RABGAP1L: variants seen among roughly 807,000 people sequenced by gnomAD.
The protein encoded by RABGAP1L is RAB GTPase activating protein 1 like, also known as rab GTPase-activating protein 1-like.
RABGAP1L carries 63 observed loss-of-function variants against 137.7 expected under a neutral mutation model. That is an observed-to-expected ratio of 0.46 (90% CI 0.37 to 0.56). RABGAP1L has a LOEUF of 0.56. RABGAP1L is among the 20% of genes least tolerant of loss of function. The probability of loss-of-function intolerance (pLI) is 0.00; values close to 1 mark genes in which losing one functional copy is unlikely to be tolerated. For synonymous variants in RABGAP1L, 431 were observed against 433.7 expected (o/e 0.99, Z 0.08); for missense variants, 1,095 against 1,244.0 (o/e 0.88, Z 1.80).
At chr1:174,651,286 T>C (rs1675464569) in intron 14 of RABGAP1L, among the ~76,000 whole-genome samples, 1 of 152,158 alleles carries the variant, frequency 6.6e-6, no homozygotes, top group Non-Finnish European at 1.5e-5. Context: ...AGGTGTGGTG[T>C]GGTGCTGAAA....
At chr1:174,331,546 C>G in intron 11 of RABGAP1L, among the ~76,000 whole-genome samples, 1 of 152,182 alleles carries the variant, frequency 6.6e-6, no homozygotes, top group Non-Finnish European at 1.5e-5. Flanking sequence ...CGCTCAACAT[C>G]ACTATCAGGG....
chr1:174,877,133 G>T (rs1014838068), intron 19 of RABGAP1L, among the ~76,000 whole-genome samples: 1 of 149,788 alleles, frequency 6.7e-6, no homozygotes, highest in African/African-American at 2.4e-5. Flanking sequence ...TTTTGTTGTT[G>T]TTATTGCTAT....
At chr1:174,670,663 G>C (rs982596109) in intron 14 of RABGAP1L, among the ~76,000 whole-genome samples, 1 of 152,064 alleles carries the variant, frequency 6.6e-6, no homozygotes, top group Non-Finnish European at 1.5e-5. Context: ...TTGTCTTTCT[G>C]TGCCTGGCTT....
chr1:174,817,957 ACT>A (rs1172311229), intron 19 of RABGAP1L, among the ~76,000 whole-genome samples: 4 of 152,246 alleles, frequency 2.6e-5, no homozygotes, highest in African/African-American at 9.6e-5. Flanking sequence ...TGGAAATCAC[ACT>A]GAGAAAGGAA....
At chr1:174,227,391 T>TG (rs1459083261) in intron 3 of RABGAP1L, among the ~76,000 whole-genome samples, 3 of 151,494 alleles carry the variant, frequency 2.0e-5, no homozygotes, top group Admixed American at 2.0e-4. Flanking sequence ...TTAGTAGAGA[T>TG]GGGGTTTCAC....
chr1:174,481,921 C>T (rs1327360276), intron 13 of RABGAP1L, among the ~76,000 whole-genome samples: 1 of 147,870 alleles, frequency 6.8e-6, no homozygotes, highest in Non-Finnish European at 1.5e-5. Flanking sequence ...AAAGAAACCA[C>T]TGAATATGTT....
chr1:174,248,111 C>G (rs1297571248), intron 5 of RABGAP1L, among the ~76,000 whole-genome samples: 5 of 152,168 alleles, frequency 3.3e-5, no homozygotes, highest in Non-Finnish European at 7.3e-5. Flanking sequence ...CTAGCATATT[C>G]TTTGGTTCTG....
intron 11 of RABGAP1L, among the ~76,000 whole-genome samples, chr1:174,307,981 T>A (rs542125620): frequency 4.6e-5 from 7 of 152,180 alleles, no homozygotes; most frequent in Admixed American, 1.3e-4. Flanking sequence ...AAACACTTAC[T>A]TTTGCTTTTT....
intron 10 of RABGAP1L, among the ~76,000 whole-genome samples, chr1:174,289,642 C>G (rs1045079455): frequency 1.3e-5 from 2 of 152,186 alleles, no homozygotes; most frequent in African/African-American, 4.8e-5. Context: ...AAGGAAAGAT[C>G]TTTACTAGTC....
At chr1:174,456,135 A>C (rs1410782852) in intron 13 of RABGAP1L, among the ~76,000 whole-genome samples, 2 of 152,062 alleles carry the variant, frequency 1.3e-5, no homozygotes, top group Non-Finnish European at 2.9e-5. Flanking sequence ...AATTAACTTT[A>C]TGTTGGAGGT....
In RABGAP1L at chr1:174,619,819, G is replaced by T. The variant is rs200204050; in HGVS notation, c.1711-17556G>T. ...AACTTTACATGTAAATGGAATAAATGCTCCAATTAAAAGACACAGACTGGC... is the reference window on the plus strand; with the variant it reads ...AACTTTACATGTAAATGGAATAAATTCTCCAATTAAAAGACACAGACTGGC... On this transcript the variant is annotated intron_variant, in intron 13 of 25. Coordinates refer to ENST00000681986, the MANE Select transcript of RABGAP1L (RefSeq NM_001366446.1). Among the ~76,000 whole-genome samples the T allele has an allele frequency of 9.2e-5, 14 of 152,280 alleles. No individual in the cohort carries two copies. The East Asian group carries it at 1.9e-3, about 21-fold the overall frequency.
intron 13 of RABGAP1L, among the ~76,000 whole-genome samples, chr1:174,433,378 T>C (rs2149203702): frequency 6.6e-6 from 1 of 152,364 alleles, no homozygotes; most frequent in South Asian, 2.1e-4. Flanking sequence ...GACCTATTAA[T>C]TTTGTTTTAA....
At chr1:174,351,959 A>T (rs772703766) in intron 11 of RABGAP1L, among the ~76,000 whole-genome samples, 1 of 151,548 alleles carries the variant, frequency 6.6e-6, no homozygotes. Flanking sequence ...CGGCCACCAC[A>T]CCTGGCTAAT....
intron 7 of RABGAP1L, among the ~76,000 whole-genome samples, chr1:174,259,907 T>C (rs540795009): frequency 8.6e-5 from 13 of 151,828 alleles, no homozygotes; most frequent in Non-Finnish European, 1.6e-4. Flanking sequence ...TGATCTTGGC[T>C]CACTGCAACC....
chr1:174,808,508 T>C (rs1027782983), intron 18 of RABGAP1L, among the ~76,000 whole-genome samples: 1 of 152,146 alleles, frequency 6.6e-6, no homozygotes, highest in African/African-American at 2.4e-5. Context: ...GCCACTAAGA[T>C]ATCTATTTTT....
At chr1:174,434,049 C>T (rs1444464412) in intron 13 of RABGAP1L, among the ~76,000 whole-genome samples, 1 of 151,764 alleles carries the variant, frequency 6.6e-6, no homozygotes, top group Non-Finnish European at 1.5e-5. Context: ...AAAGTTCCCT[C>T]ATACCTCTTG....
chr1:174,902,339 C>CA (rs527262512), intron 19 of RABGAP1L, among the ~76,000 whole-genome samples: 73 of 152,282 alleles, frequency 4.8e-4, no homozygotes, highest in Non-Finnish European at 9.4e-4. Context: ...CCCAGGAACT[C>CA]AGAGTTGTCT....
intron 11 of RABGAP1L, among the ~76,000 whole-genome samples, chr1:174,306,810 T>G (rs1678305595): frequency 6.6e-6 from 1 of 152,166 alleles, no homozygotes; most frequent in African/African-American, 2.4e-5. Flanking sequence ...AATACTCTTT[T>G]TATACAAACT....
chr1:174,954,595 G>C (rs1668235025), intron 19 of RABGAP1L, among the ~76,000 whole-genome samples: 1 of 152,170 alleles, frequency 6.6e-6, no homozygotes, highest in African/African-American at 2.4e-5. Flanking sequence ...CAAGCTTCCA[G>C]TATGTAATTC....
Sources: allele counts gnomAD v4.1 joint callset (sites outside exome capture counted in the v4.1 genomes callset), GRCh38; gene constraint gnomAD v4.1.1; transcripts MANE v1.5; gene names NCBI Gene and HGNC (gene_info 2026-07-23, HGNC 2026-07-21).